IST1: variants seen among roughly 807,000 people sequenced by gnomAD.
IST1 encodes the protein IST1 homolog.
Under a neutral mutation model 37.0 loss-of-function variants are expected in IST1, and 23 were observed. The observed-to-expected ratio is 0.62, with a 90% confidence interval of 0.45 to 0.88. The LOEUF is 0.88. Among genes scored for constraint, IST1 ranks in the 40% least tolerant of loss-of-function variants. The pLI is 0.00. For missense variants in IST1, 488 were observed against 445.4 expected, an observed-to-expected ratio of 1.10 and a Z score of -0.86; for synonymous variants, 180 against 161.7, an observed-to-expected ratio of 1.11 and a Z score of -0.86.
rs117663037 is a variant in IST1 at position 71,898,812 on chromosome 16, A to G, written c.-16+3223A>G. On this transcript the variant is annotated intron_variant, in intron 1 of 9. Coordinates refer to ENST00000378799, the MANE Select transcript of IST1 (RefSeq NM_001270975.2). ...GTCAACATGGCGAAACCTCGTCGCT[A>G]CTAAAAATAAAAAAATTAGCGGGGT... is the stretch of plus-strand genomic sequence containing the variant. Among the ~76,000 whole-genome samples, 58 of 151,984 alleles carry G rather than the reference A, an allele frequency of 3.8e-4. 1 individual carries two copies. The East Asian group carries it at 8.3e-3, about 22-fold the overall frequency.
At position 71,900,131 on chromosome 16, in the gene IST1, A is replaced by G. The variant is rs995414925; in HGVS notation, c.-16+4542A>G. On this transcript the variant is annotated intron_variant, in intron 1 of 9. Coordinates refer to ENST00000378799, the MANE Select transcript of IST1 (RefSeq NM_001270975.2). The stretch of plus-strand genomic sequence containing the variant: ...CAGTAGGCTGAAATCGCACCATTGC[A>G]TTCCAGCCTGGGCAACAAGAGTGAA... Among the ~76,000 whole-genome samples, 8 of 150,144 alleles carry G rather than the reference A, an allele frequency of 5.3e-5. No individual in the cohort carries two copies. The East Asian group carries it at 7.9e-4, about 15-fold the overall frequency.
Position 71,923,272 on chromosome 16 carries a change from C to T in IST1, c.760-16C>T. 1 of 1,558,032 alleles carries T rather than the reference C, an allele frequency of 6.4e-7. No individual in the cohort carries two copies. Among genetic ancestry groups the T allele is most frequent in the Non-Finnish European group, 8.8e-7 (1 of 1,131,798 alleles). ...CTGGAGGCAGTGTCTCTGATGTTGC[C>T]TTTCTCCTCTTACAGTCAGATTTCA... is the stretch of plus-strand genomic sequence containing the variant. On this transcript the variant is annotated splice_polypyrimidine_tract_variant and intron_variant, in intron 7 of 9. Transcript: ENST00000378799.
chr16:71,895,148 C>CCTAACA (rs1395147915), upstream of IST1: 1 of 268,438 alleles, frequency 3.7e-6, no homozygotes, highest in Non-Finnish European at 7.2e-6. Flanking sequence ...GGAGCAACTC[C>CCTAACA]CGGCGTCAGA....
chr16:71,917,986 G>C lies in IST1; in HGVS notation c.357+852G>C, dbSNP rs973591540. On this transcript the variant is annotated intron_variant, in intron 4 of 9. Transcript: ENST00000378799. ...GCTGTCGGTTTACATTTAAGAGTGA[G>C]GCACTAAAAAGGAGATTGGAACCTC... is the stretch of plus-strand genomic sequence containing the variant. Among the ~76,000 whole-genome samples the C allele has an allele frequency of 1.2e-4, 18 of 152,262 alleles. No homozygotes were observed. The East Asian group carries it at 2.9e-3, about 24-fold the overall frequency.
At position 71,897,940 on chromosome 16, in the gene IST1, A is replaced by G. The variant is rs369265279; in HGVS notation, c.-16+2351A>G. Among the ~76,000 whole-genome samples the G allele has an allele frequency of 3.1e-3, 471 of 152,262 alleles. 3 individuals carry two copies. Among genetic ancestry groups the G allele is most frequent in the African/African-American group, 0.011 (451 of 41,562 alleles). On this transcript the variant is annotated intron_variant, in intron 1 of 9. Coordinates refer to ENST00000378799, the MANE Select transcript of IST1 (RefSeq NM_001270975.2). ...CTCCAGCCTGGGCGACAGAGTGAGA[A>G]TCCGTCTCAAAAAGAAAAAATTATT... is the stretch of plus-strand genomic sequence containing the variant.
At chr16:71,918,735 C>A (rs2037518387) in intron 4 of IST1, among the ~76,000 whole-genome samples, 2 of 152,078 alleles carry the variant, frequency 1.3e-5, no homozygotes, top group African/African-American at 4.8e-5. Flanking sequence ...CTCTTCTGTA[C>A]TCCTTTAAAA....
At chr16:71,917,448 G>A (rs1203588570) in intron 4 of IST1, among the ~76,000 whole-genome samples, 1 of 152,112 alleles carries the variant, frequency 6.6e-6, no homozygotes, top group Non-Finnish European at 1.5e-5. Flanking sequence ...TAACATTAAG[G>A]TGACAGATGT....
chr16:71,920,475 TA>T (rs758842489), intron 4 of IST1, among the ~76,000 whole-genome samples: 1 of 152,252 alleles, frequency 6.6e-6, no homozygotes, highest in East Asian at 1.9e-4. Flanking sequence ...TAAGACTCTA[TA>T]AGAGTAAGAA....
intron 1 of IST1, among the ~76,000 whole-genome samples, chr16:71,908,224 G>C (rs915531621): frequency 7.9e-5 from 12 of 151,138 alleles, no homozygotes; most frequent in South Asian, 2.1e-4. Context: ...TTAGAGGCGT[G>C]AGCCACTGCG....
At chr16:71,926,532 G>C (rs1288937105) in intron 9 of IST1, among the ~76,000 whole-genome samples, 2 of 151,676 alleles carry the variant, frequency 1.3e-5, no homozygotes, top group Non-Finnish European at 2.9e-5. Context: ...ATTTTTAGTA[G>C]AGATGGGGTT....
At chr16:71,919,329 C>T (rs1235110453) in intron 4 of IST1, among the ~76,000 whole-genome samples, 1 of 143,968 alleles carries the variant, frequency 6.9e-6, no homozygotes, top group Non-Finnish European at 1.6e-5. Context: ...GGCCTTTGCA[C>T]TGCTGTTTTC....
At chr16:71,895,677 C>T (rs781129817) in intron 1 of IST1, 88 bp downstream of exon 1, 4 of 468,140 alleles carry the variant, frequency 8.5e-6, no homozygotes, top group Non-Finnish European at 8.4e-6. Context: ...AGCGCTAGGG[C>T]CCGGGATTCA....
chr16:71,912,458 C>T (rs1209139006), intron 1 of IST1, among the ~76,000 whole-genome samples: 1 of 152,114 alleles, frequency 6.6e-6, no homozygotes, highest in African/African-American at 2.4e-5. Context: ...AGGATGGTCT[C>T]GATCTCCTGA....
At position 71,930,041 on chromosome 16, in the gene IST1, T is replaced by C. The variant is rs891640568; in HGVS notation, c.*2228T>C. The C allele has an allele frequency of 1.9e-6, 3 of 1,545,096 alleles. No homozygotes were observed. The East Asian group carries it at 7.3e-5, about 38-fold the overall frequency. ...TATAACAGCATGCTAGTTTATCTTT[T>C]AGTTACCTACCTTAAGCGACTTTCT... On this transcript the variant is annotated 3_prime_UTR_variant, in exon 10 of 10. Transcript: ENST00000378799.
upstream of IST1, chr16:71,895,398 G>A (rs1398243576): frequency 7.2e-6 from 3 of 418,068 alleles, no homozygotes; most frequent in Non-Finnish European, 9.6e-6. Flanking sequence ...AACCGAGGGA[G>A]GGTGCCCCGA....
At chr16:71,922,012 C>G (rs2037601531) in intron 6 of IST1, among the ~76,000 whole-genome samples, 1 of 152,176 alleles carries the variant, frequency 6.6e-6, no homozygotes, top group African/African-American at 2.4e-5. Context: ...TGGTGGGCAC[C>G]TGTAATCTCA....
intron 1 of IST1, among the ~76,000 whole-genome samples, chr16:71,896,983 AAAAG>A (rs973401998): frequency 1.3e-5 from 2 of 151,150 alleles, no homozygotes; most frequent in Non-Finnish European, 2.9e-5. Context: ...AAGAAAAAAA[AAAAG>A]AAATTAAAAC....
At chr16:71,908,758 C>A (rs982608975) in intron 1 of IST1, among the ~76,000 whole-genome samples, 2 of 152,182 alleles carry the variant, frequency 1.3e-5, no homozygotes, top group African/African-American at 4.8e-5. Flanking sequence ...TGCTCTTTCT[C>A]TCTGCTGATG....
chr16:71,895,547 C>T lies in IST1; in HGVS notation c.-58C>T, dbSNP rs770378482. On this transcript the variant is annotated 5_prime_UTR_variant, in exon 1 of 10. Transcript: ENST00000378799. Reference sequence around the variant, plus strand: ...GGAGTCGCCATTTTGGATGGTGAACCCTGAAGTCGGTGTCTGCTGCGTTCA... The same window carrying T: ...GGAGTCGCCATTTTGGATGGTGAACTCTGAAGTCGGTGTCTGCTGCGTTCA... 28 of 985,542 alleles carry T rather than the reference C, an allele frequency of 2.8e-5. No homozygotes were observed. The highest frequency in any genetic ancestry group is 3.5e-5 in the African/African-American group (2 of 57,232). The allele number at this position is 985,542 out of a possible 1,614,324, so 61.0% of individuals were successfully genotyped here. A position where few individuals can be genotyped will look rare whatever the true frequency, so the allele number is the denominator to read the frequency against.
Sources: gnomAD v4.1 joint callset for allele counts (sites outside exome capture counted in the v4.1 genomes callset) on GRCh38, gnomAD v4.1.1 for gene constraint, MANE v1.5 for transcripts, NCBI Gene and HGNC (gene_info 2026-07-23, HGNC 2026-07-21) for gene names.